The following ADGRD1 variants were observed in gnomAD, a reference collection of about 807,000 sequenced individuals.
The protein encoded by ADGRD1 is G-protein coupled receptor 133.
Under a neutral mutation model 113.4 loss-of-function variants are expected in ADGRD1, and 77 were observed. The ratio of observed to expected loss-of-function variants is 0.68; its 90% confidence interval spans 0.57 to 0.82. The LOEUF (loss-of-function observed/expected upper bound fraction) is 0.82, where lower values mean the gene tolerates loss of function less well. Ranked by LOEUF, ADGRD1 falls within the 40% of genes least tolerant of loss-of-function variation. The pLI, the probability that ADGRD1 is intolerant of heterozygous loss-of-function variation, is 0.00. For missense variants in ADGRD1, 1,036 were observed against 1,139.1 expected (o/e 0.91, Z 1.30); for synonymous variants, 474 against 475.0 (o/e 1.00, Z 0.03).
In ADGRD1 at chr12:131,132,731, G is replaced by A. The variant is rs1306655232; in HGVS notation, c.2267+915G>A. Among the ~76,000 whole-genome samples the A allele has an allele frequency of 3.9e-5, 6 of 152,268 alleles. 1 individual carries two copies. Among genetic ancestry groups the A allele is most frequent in the Admixed American group, 3.9e-4 (6 of 15,302 alleles). ...TCCCTGAGCCAGACCCTGTAGAGGG[G>A]GATTCACTCATATGACCGTGTGACT... On this transcript the variant is annotated intron_variant, in intron 21 of 24. Transcript: ENST00000261654.
At chr12:130,977,518 G>A (rs771134181) in intron 4 of ADGRD1, 10 of 152,340 alleles carry the variant, frequency 6.6e-5, no homozygotes, top group African/African-American at 2.4e-4. Context: ...GCGCATCCTC[G>A]TGGCTCTTTG....
At chr12:130,997,422 GCGGAGGGGC>G (rs1875703183) in intron 8 of ADGRD1, among the ~76,000 whole-genome samples, 2 of 147,322 alleles carry the variant, frequency 1.4e-5, no homozygotes, top group Non-Finnish European at 3.0e-5. Flanking sequence ...CGGCTGCCGG[GCGGAGGGGC>G]TCCTCACTTC....
intron 4 of ADGRD1, chr12:130,973,509 C>T (rs1429144078): frequency 6.6e-6 from 1 of 152,206 alleles, no homozygotes; most frequent in Non-Finnish European, 1.5e-5. Context: ...CTAAGAACAC[C>T]ACTTTGCCTG....
In ADGRD1 at chr12:131,024,053, C is replaced by T. The variant is rs1242023143; in HGVS notation, c.1473+9713C>T. 6 of 152,346 alleles carry T rather than the reference C, an allele frequency of 3.9e-5. No homozygotes were observed. In the East Asian group the frequency reaches 7.7e-4, roughly 20 times the overall value. The allele number at this position is 152,346 out of a possible 1,614,324, so 9.4% of individuals were successfully genotyped here. On this transcript the variant is annotated intron_variant, in intron 13 of 24. Coordinates refer to ENST00000261654, the MANE Select transcript of ADGRD1 (RefSeq NM_198827.5). ...CTGTCGACCACAGATGAAGACAGAA[C>T]GGATCTGAGAGATGAATGATGTATC...
At chr12:131,020,522 G>T (rs1398939720) in intron 13 of ADGRD1, among the ~76,000 whole-genome samples, 1 of 152,230 alleles carries the variant, frequency 6.6e-6, no homozygotes, top group Non-Finnish European at 1.5e-5. Context: ...GGAGGGAAAC[G>T]GAGGCACTGT....
At chr12:131,044,220 T>G (rs1289502045) in intron 13 of ADGRD1, among the ~76,000 whole-genome samples, 1 of 152,174 alleles carries the variant, frequency 6.6e-6, no homozygotes, top group African/African-American at 2.4e-5. Context: ...TTAGGACCAT[T>G]TAATGATCGC....
intron 13 of ADGRD1, among the ~76,000 whole-genome samples, chr12:131,055,206 G>T (rs1183573460): frequency 6.6e-6 from 1 of 152,206 alleles, no homozygotes; most frequent in Non-Finnish European, 1.5e-5. Flanking sequence ...TGGGTTACCT[G>T]ATTCTCGGGA....
chr12:131,040,461 C>G (rs899921036), intron 13 of ADGRD1, among the ~76,000 whole-genome samples: 41 of 152,204 alleles, frequency 2.7e-4, no homozygotes, highest in Non-Finnish European at 8.8e-5. Context: ...TTGGTACACC[C>G]TTTTAAAAAT....
chr12:131,007,935 A>G lies in ADGRD1; in HGVS notation c.1331+1888A>G, dbSNP rs191305921. The stretch of plus-strand genomic sequence containing the variant: ...CCAGTAAAGTCTCTGTACTTGTTAC[A>G]TTGTACCTGTGTACCTTGTACCTGT... On this transcript the variant is annotated intron_variant, in intron 12 of 24. Coordinates refer to ENST00000261654, the MANE Select transcript of ADGRD1 (RefSeq NM_198827.5). Among the ~76,000 whole-genome samples the G allele has an allele frequency of 4.0e-3, 609 of 152,346 alleles. 3 individuals carry two copies. The highest frequency in any genetic ancestry group is 0.014 in the African/African-American group (578 of 41,586).
At position 131,057,833 on chromosome 12, in the gene ADGRD1, G is replaced by A. The variant is rs1218387051; in HGVS notation, c.1474-18968G>A. Among the ~76,000 whole-genome samples the A allele has an allele frequency of 6.6e-6, 1 of 152,122 alleles. No homozygotes were observed. The highest frequency in any genetic ancestry group is 2.4e-5 in the African/African-American group (1 of 41,412). ...TGGAGCTGGGATGAGGCAGAAAATGGGTCTGCATGTCTCTGCCTTCACTGG... is the reference window on the plus strand; with the variant it reads ...TGGAGCTGGGATGAGGCAGAAAATGAGTCTGCATGTCTCTGCCTTCACTGG... On this transcript the variant is annotated intron_variant, in intron 13 of 24. Transcript: ENST00000261654. This position sits in a 1 kb window ranked among gnomAD's most constrained non-coding sequence, Gnocchi z 4.2.
At chr12:130,961,305 C>T (rs938363764) in intron 2 of ADGRD1, among the ~76,000 whole-genome samples, 1 of 152,214 alleles carries the variant, frequency 6.6e-6, no homozygotes, top group Non-Finnish European at 1.5e-5. Flanking sequence ...CACACGCACA[C>T]ACCAAACTTA....
At chr12:131,052,975 C>T (rs1384114279) in intron 13 of ADGRD1, among the ~76,000 whole-genome samples, 1 of 152,170 alleles carries the variant, frequency 6.6e-6, no homozygotes, top group African/African-American at 2.4e-5. Flanking sequence ...GCACCTCAGC[C>T]CCAGTTTATA....
chr12:131,136,951 C>A, intron 22 of ADGRD1, 22 bp from the exon 23 acceptor site: 1 of 1,596,146 alleles, frequency 6.3e-7, no homozygotes, highest in Non-Finnish European at 8.6e-7. Flanking sequence ...CTAATCTCTG[C>A]GTTTCTTCCC....
In ADGRD1 at chr12:131,104,229, C is replaced by T. The variant is rs544959026; in HGVS notation, c.1672-602C>T. 2.6e-5 allele frequency among the ~76,000 whole-genome samples: 4 copies of T among 151,902 alleles called. No homozygotes were observed. The East Asian group carries it at 7.7e-4, about 29-fold the overall frequency. On this transcript the variant is annotated intron_variant, in intron 15 of 24. Coordinates refer to ENST00000261654, the MANE Select transcript of ADGRD1 (RefSeq NM_198827.5). ...GTGCGGGGACTGGGAGGGTTGTGGC[C>T]TCAGGCGGGGGCGGTAGCCAGCTCT...
At chr12:131,002,934 G>C in intron 9 of ADGRD1, 2 of 788,570 alleles carry the variant, frequency 2.5e-6, no homozygotes, top group Non-Finnish European at 3.9e-6. Flanking sequence ...GTGTCTAAGT[G>C]TAGAAATGCA....
At chr12:131,114,557 G>A (rs570499966) in intron 18 of ADGRD1, among the ~76,000 whole-genome samples, 1 of 152,252 alleles carries the variant, frequency 6.6e-6, no homozygotes, top group East Asian at 1.9e-4. Flanking sequence ...ACAAGCTGAA[G>A]TCGGGGGGGT....
At chr12:131,030,236 G>A (rs1880540961) in intron 13 of ADGRD1, among the ~76,000 whole-genome samples, 1 of 151,028 alleles carries the variant, frequency 6.6e-6, no homozygotes, top group South Asian at 2.1e-4. Context: ...CCCAGGCTCT[G>A]GGGTTAGGTT....
In ADGRD1 at chr12:130,954,919, T is replaced by TCTC. The variant is rs2307650; in HGVS notation, c.103+261_103+262insCCT. Reference sequence around the variant, plus strand: ...AAACATTGTGATTAAGGAAATATGATCTTCATTTGAATGCCTTCTGCCTCT... The same window carrying TCTC: ...AAACATTGTGATTAAGGAAATATGATCTCCTTCATTTGAATGCCTTCTGCCTCT... On this transcript the variant is annotated intron_variant, in intron 2 of 24. Coordinates refer to ENST00000261654, the MANE Select transcript of ADGRD1 (RefSeq NM_198827.5). The surrounding 1 kb of genome is among the most constrained non-coding windows in gnomAD (Gnocchi z 4.7). 0.87 allele frequency among the ~76,000 whole-genome samples: 132,326 copies of TCTC among 151,706 alleles called. 57,789 individuals are homozygous for TCTC. Among genetic ancestry groups the TCTC allele is most frequent in the East Asian group, 0.99 (5,070 of 5,138 alleles).
intron 12 of ADGRD1, among the ~76,000 whole-genome samples, chr12:131,011,191 T>TCCCCACCTCACCCCTGCCCCACCCTG (rs1877840977): frequency 7.8e-6 from 1 of 128,730 alleles, no homozygotes; most frequent in African/African-American, 3.0e-5. Context: ...GCCCCACCCT[T>TCCCCACCTCACCCCTGCCCCACCCTG]CCCCACCTCA....
Sources: gnomAD v4.1 joint callset for allele counts (sites outside exome capture counted in the v4.1 genomes callset) on GRCh38, gnomAD v4.1.1 for gene constraint, Gnocchi (gnomAD v3.1) non-coding constraint, MANE v1.5 for transcripts, NCBI Gene and HGNC (gene_info 2026-07-23, HGNC 2026-07-21) for gene names.